Variants in MAF observed in about 807,000 individuals in gnomAD.
MAF encodes the protein MAF bZIP transcription factor.
Under a neutral mutation model 22.0 loss-of-function variants are expected in MAF, and 10 were observed. The observed-to-expected ratio is 0.45, with a 90% CI of 0.28 to 0.77. The LOEUF (loss-of-function observed/expected upper bound fraction) is 0.77, where lower values mean the gene tolerates loss of function less well. MAF is among the 30% of genes least tolerant of loss of function. The pLI, the probability that MAF is intolerant of heterozygous loss-of-function variation, is 0.12. For missense variants in MAF, 544 were observed against 548.4 expected, an observed-to-expected ratio of 0.99 and a Z score of 0.08; for synonymous variants, 337 against 255.8, an observed-to-expected ratio of 1.32 and a Z score of -3.03.
chr16:79,325,282 T>C, the MAF span, among the ~76,000 whole-genome samples: 2 of 152,168 alleles, frequency 1.3e-5, no homozygotes, highest in African/African-American at 4.8e-5. Flanking sequence ...ACGGCTGGAA[T>C]CAACTCTGAG....
chr16:79,399,469 T>C, the MAF span, among the ~76,000 whole-genome samples: 3 of 152,194 alleles, frequency 2.0e-5, no homozygotes, highest in East Asian at 5.8e-4. Context: ...GTCCCCATAA[T>C]TTAGGTGATA....
the MAF span, among the ~76,000 whole-genome samples, chr16:79,463,594 C>G: frequency 2.0e-5 from 3 of 152,110 alleles, no homozygotes; most frequent in South Asian, 6.2e-4. Flanking sequence ...CTGAGTGGGA[C>G]TAAGTTTGGC....
At chr16:79,378,709 T>G in the MAF span, among the ~76,000 whole-genome samples, 4 of 152,226 alleles carry the variant, frequency 2.6e-5, no homozygotes, top group African/African-American at 9.6e-5. Flanking sequence ...ATCTATCTTG[T>G]AATCCTATTA....
At chr16:79,524,030 C>A in the MAF span, among the ~76,000 whole-genome samples, 45,299 of 152,030 alleles carry the variant, frequency 0.3, 7,391 homozygotes, top group Non-Finnish European at 0.37. Context: ...CACACCTCTC[C>A]CGGAGATATC....
the MAF span, chr16:79,212,685 T>C: frequency 1.3e-5 from 2 of 152,200 alleles, no homozygotes; most frequent in Non-Finnish European, 2.9e-5. Context: ...AAGTTTGTAT[T>C]GTTTCTTTAA....
chr16:79,405,279 G>A, the MAF span, among the ~76,000 whole-genome samples: 1 of 152,116 alleles, frequency 6.6e-6, no homozygotes, highest in Non-Finnish European at 1.5e-5. Context: ...CTGAGCAAGA[G>A]GTTCTGGGCA....
chr16:79,275,467 G>A, the MAF span, among the ~76,000 whole-genome samples: 1 of 152,164 alleles, frequency 6.6e-6, no homozygotes, highest in East Asian at 1.9e-4. Context: ...TAATTTCACA[G>A]GACTGACTTC....
the MAF span, among the ~76,000 whole-genome samples, chr16:79,408,956 T>C: frequency 6.6e-6 from 1 of 151,722 alleles, no homozygotes. Context: ...TACTGCTTTT[T>C]TTTTTTTTTA....
chr16:79,412,742 A>C, the MAF span, among the ~76,000 whole-genome samples: 1 of 152,222 alleles, frequency 6.6e-6, no homozygotes, highest in African/African-American at 2.4e-5. Flanking sequence ...AACATGTATG[A>C]AAGGGCCTAC....
At chr16:79,379,413 G>T in the MAF span, among the ~76,000 whole-genome samples, 10 of 152,050 alleles carry the variant, frequency 6.6e-5, no homozygotes, top group African/African-American at 2.4e-4. Context: ...TGCCAATGTG[G>T]AACTATCTTA....
chr16:79,378,774 T>C, the MAF span, among the ~76,000 whole-genome samples: 2 of 152,220 alleles, frequency 1.3e-5, no homozygotes, highest in Admixed American at 1.3e-4. Context: ...AATTTATCTC[T>C]TTTCTTCTTG....
the MAF span, among the ~76,000 whole-genome samples, chr16:79,388,790 A>G: frequency 6.6e-6 from 1 of 152,180 alleles, no homozygotes; most frequent in East Asian, 1.9e-4. Flanking sequence ...AGCCTTTTTT[A>G]TATATGTTCT....
the MAF span, among the ~76,000 whole-genome samples, chr16:79,407,265 G>A: frequency 2.0e-4 from 30 of 152,266 alleles, no homozygotes; most frequent in East Asian, 5.4e-3. Flanking sequence ...ACCTCCAGAC[G>A]GGGGACAGGG....
chr16:79,267,611 A>G, the MAF span, among the ~76,000 whole-genome samples: 1 of 152,172 alleles, frequency 6.6e-6, no homozygotes, highest in Non-Finnish European at 1.5e-5. Flanking sequence ...TACCTCTGGG[A>G]TGCACCGGGT....
At chr16:79,471,277 C>T in the MAF span, among the ~76,000 whole-genome samples, 1 of 152,232 alleles carries the variant, frequency 6.6e-6, no homozygotes, top group African/African-American at 2.4e-5. Flanking sequence ...TACAAAACAT[C>T]TAAGCAGTCA....
the MAF span, among the ~76,000 whole-genome samples, chr16:79,509,471 G>C: frequency 0.038 from 5,861 of 152,326 alleles, 362 homozygotes; most frequent in African/African-American, 0.13. Context: ...GGCTGGCAAG[G>C]ATGTTGGCAG....
the MAF span, among the ~76,000 whole-genome samples, chr16:79,356,489 C>G: frequency 6.6e-6 from 1 of 152,186 alleles, no homozygotes; most frequent in African/African-American, 2.4e-5. Flanking sequence ...CTGCCTTCCT[C>G]ACGTGCCTTC....
chr16:79,302,216 G>A, the MAF span, among the ~76,000 whole-genome samples: 3 of 152,336 alleles, frequency 2.0e-5, no homozygotes, highest in East Asian at 1.9e-4. Context: ...CTCCATTCTC[G>A]AAGAGCCTCA....
the MAF span, among the ~76,000 whole-genome samples, chr16:79,262,304 T>C: frequency 6.6e-6 from 1 of 152,190 alleles, no homozygotes; most frequent in Non-Finnish European, 1.5e-5. Context: ...CTAAAACTCA[T>C]GTTCTCTCTA....
Sources: gnomAD v4.1 joint callset for allele counts (sites outside exome capture counted in the v4.1 genomes callset) on GRCh38, gnomAD v4.1.1 for gene constraint, MANE v1.5 for transcripts, NCBI Gene and HGNC (gene_info 2026-07-23, HGNC 2026-07-21) for gene names.